The following CYP7B1 variants were observed in gnomAD, a reference collection of about 807,000 sequenced individuals.
CYP7B1 encodes cytochrome P450 7B1.
Under a neutral mutation model 42.7 loss-of-function variants are expected in CYP7B1, and 29 were observed. That is an observed-to-expected ratio of 0.68 (90% CI 0.51 to 0.93). CYP7B1 has a LOEUF of 0.93. Among genes scored for constraint, CYP7B1 ranks in the 40% least tolerant of loss-of-function variants. CYP7B1 has a pLI of 0.00. For missense variants in CYP7B1, 655 were observed against 600.5 expected (o/e 1.09, Z -0.95); for synonymous variants, 235 against 218.2 (o/e 1.08, Z -0.68).
At chr8:64,735,025 G>A (rs1216087314) in intron 1 of CYP7B1, among the ~76,000 whole-genome samples, 2 of 152,092 alleles carry the variant, frequency 1.3e-5, no homozygotes, top group Non-Finnish European at 2.9e-5. Context: ...CACTGACCTG[G>A]AGGAGGTGGA....
At position 64,604,831 on chromosome 8, in the gene CYP7B1, G is replaced by A; in HGVS notation, c.1084C>T (p.Leu362=). The part of the protein sequence containing the change: ...LESSIFEALR[L]SSYSTTIRFV... Reference sequence around the variant, plus strand: ...CGAATGGTGGTTGAATATGAGGACAGTCGTAAAGCTTCAAAAATGCTGCTT... The same window carrying A: ...CGAATGGTGGTTGAATATGAGGACAATCGTAAAGCTTCAAAAATGCTGCTT... Residue 362 remains leucine, a synonymous_variant, in exon 5 of 6, where the codon CTG becomes TTG. Transcript: ENST00000310193. The A allele has an allele frequency of 6.2e-7, 1 of 1,614,096 alleles. No individual in the cohort carries two copies. Among genetic ancestry groups the A allele is most frequent in the African/African-American group, 1.3e-5 (1 of 75,040 alleles).
intron 1 of CYP7B1, among the ~76,000 whole-genome samples, chr8:64,717,947 CATT>C (rs1454051044): frequency 1.3e-5 from 2 of 150,848 alleles, no homozygotes; most frequent in Non-Finnish European, 2.9e-5. Flanking sequence ...TCTAGCAAAT[CATT>C]ATAATTATAA....
chr8:64,710,150 C>T (rs1807060250), intron 1 of CYP7B1, among the ~76,000 whole-genome samples: 1 of 152,182 alleles, frequency 6.6e-6, no homozygotes, highest in Non-Finnish European at 1.5e-5. Flanking sequence ...ATCCATCCCT[C>T]CTAGCCTACC....
chr8:64,735,661 C>T (rs1378405661), intron 1 of CYP7B1, among the ~76,000 whole-genome samples: 3 of 151,912 alleles, frequency 2.0e-5, no homozygotes, highest in East Asian at 1.9e-4. Flanking sequence ...TCTTTTGTTA[C>T]GGGGAAGGGG....
At chr8:64,790,247 C>A (rs990191060) in intron 1 of CYP7B1, among the ~76,000 whole-genome samples, 1 of 152,188 alleles carries the variant, frequency 6.6e-6, no homozygotes, top group Non-Finnish European at 1.5e-5. Flanking sequence ...TGGGCCAACA[C>A]CATACCCCAC....
At chr8:64,696,256 A>C (rs956460498) in intron 1 of CYP7B1, among the ~76,000 whole-genome samples, 1 of 152,208 alleles carries the variant, frequency 6.6e-6, no homozygotes, top group East Asian at 1.9e-4. Context: ...CAAGACAGAC[A>C]AGATGGTACT....
Position 64,771,461 on chromosome 8 carries a change from CTTT to C in CYP7B1, c.122+27002_122+27004del, listed in dbSNP as rs975508584. Among the ~76,000 whole-genome samples, 4 of 152,264 alleles carry C rather than the reference CTTT, an allele frequency of 2.6e-5. No individual in the cohort carries two copies. In the East Asian group the frequency reaches 7.7e-4, roughly 29 times the overall value. On this transcript the variant is annotated intron_variant, in intron 1 of 5. Transcript: ENST00000310193. ...CGTTTTGTCAGTTAGGTTCTCACTT[CTTT>C]TTTTCTTTATATTTTCTGCCAAATT...
At chr8:64,794,457 A>G (rs137915442) in intron 1 of CYP7B1, among the ~76,000 whole-genome samples, 32 of 152,346 alleles carry the variant, frequency 2.1e-4, no homozygotes, top group Middle Eastern at 3.4e-3. Flanking sequence ...TTTATCTCTC[A>G]CAGTTCTGGA....
At chr8:64,722,066 C>T (rs1416410160) in intron 1 of CYP7B1, among the ~76,000 whole-genome samples, 1 of 152,158 alleles carries the variant, frequency 6.6e-6, no homozygotes, top group Non-Finnish European at 1.5e-5. Context: ...GAGGTTGAGC[C>T]ATGGAAGTTC....
At position 64,752,623 on chromosome 8, in the gene CYP7B1, A is replaced by G. The variant is rs555017890; in HGVS notation, c.122+45843T>C. On this transcript the variant is annotated intron_variant, in intron 1 of 5. Transcript: ENST00000310193. ...ACTCAAGGAGAGAATATATTTTTCT[A>G]ATGTTCTCTGTGTGAAATTACACAC... Among the ~76,000 whole-genome samples, 3 of 152,296 alleles carry G rather than the reference A, an allele frequency of 2.0e-5. No homozygotes were observed. In the East Asian group the frequency reaches 5.8e-4, roughly 29 times the overall value.
chr8:64,644,102 G>A (rs183622496), intron 1 of CYP7B1, among the ~76,000 whole-genome samples: 36 of 151,988 alleles, frequency 2.4e-4, no homozygotes, highest in African/African-American at 7.0e-4. Flanking sequence ...GTGAAACCCC[G>A]TCTCTACTAA....
intron 1 of CYP7B1, among the ~76,000 whole-genome samples, chr8:64,762,417 A>T (rs1354780142): frequency 1.3e-5 from 2 of 152,206 alleles, no homozygotes; most frequent in Non-Finnish European, 2.9e-5. Context: ...ACTAGCACCC[A>T]TTTTAAAATT....
intron 5 of CYP7B1, among the ~76,000 whole-genome samples, chr8:64,601,427 C>T (rs905206649): frequency 6.6e-6 from 1 of 152,178 alleles, no homozygotes. Context: ...TCCCTCAGTA[C>T]CTCTGGACCT....
intron 1 of CYP7B1, among the ~76,000 whole-genome samples, chr8:64,672,067 C>T (rs1459210608): frequency 1.3e-5 from 2 of 152,022 alleles, no homozygotes; most frequent in African/African-American, 4.8e-5. Flanking sequence ...TTTGTTCCTT[C>T]CATAGATCTT....
Position 64,594,432 on chromosome 8 carries a change from C to A in CYP7B1, c.*2210G>T, listed in dbSNP as rs1805087346. Among the ~76,000 whole-genome samples, 1 of 152,014 alleles carries A rather than the reference C, an allele frequency of 6.6e-6. No homozygotes were observed. Among genetic ancestry groups the A allele is most frequent in the Non-Finnish European group, 1.5e-5 (1 of 67,980 alleles). The stretch of plus-strand genomic sequence containing the variant: ...AGAAAATTAGGAAGAATATAACTTA[C>A]AGAAAATAGGTACTCAAGATAATAT... On this transcript the variant is annotated 3_prime_UTR_variant, in exon 6 of 6. Coordinates refer to ENST00000310193, the MANE Select transcript of CYP7B1 (RefSeq NM_004820.5).
intron 4 of CYP7B1, among the ~76,000 whole-genome samples, chr8:64,611,601 A>G (rs1805364754): frequency 6.6e-6 from 1 of 152,082 alleles, no homozygotes; most frequent in Non-Finnish European, 1.5e-5. Context: ...AATTTTTAAT[A>G]TTCTCTTTTT....
intron 1 of CYP7B1, among the ~76,000 whole-genome samples, chr8:64,683,241 A>C (rs773831631): frequency 6.6e-6 from 1 of 152,228 alleles, no homozygotes; most frequent in Non-Finnish European, 1.5e-5. Flanking sequence ...CATATACCCA[A>C]TGGAGTACTA....
chr8:64,700,137 T>A (rs1341408017), intron 1 of CYP7B1, among the ~76,000 whole-genome samples: 1 of 152,086 alleles, frequency 6.6e-6, no homozygotes, highest in Non-Finnish European at 1.5e-5. Context: ...TGCACACACA[T>A]CAAGCACACA....
intron 1 of CYP7B1, among the ~76,000 whole-genome samples, chr8:64,715,996 C>T (rs1411282719): frequency 2.0e-5 from 3 of 152,116 alleles, no homozygotes; most frequent in Non-Finnish European, 4.4e-5. Flanking sequence ...AACTTAATTT[C>T]AGTTTAGTTT....
Sources: allele counts gnomAD v4.1 joint callset (sites outside exome capture counted in the v4.1 genomes callset), GRCh38; gene constraint gnomAD v4.1.1; transcripts MANE v1.5; gene names NCBI Gene and HGNC (gene_info 2026-07-23, HGNC 2026-07-21).